The following IDH3A variants were observed in gnomAD, a reference collection of about 807,000 sequenced individuals.
The protein encoded by IDH3A is isocitrate dehydrogenase (NAD(+)) 3 catalytic subunit alpha.
Under a neutral mutation model 43.3 loss-of-function variants are expected in IDH3A, and 23 were observed. The observed-to-expected ratio is 0.53, with a 90% CI of 0.38 to 0.75. The LOEUF (loss-of-function observed/expected upper bound fraction) is 0.75, where lower values mean the gene tolerates loss of function less well. IDH3A is among the 30% of genes least tolerant of loss of function. IDH3A has a pLI of 0.00. For missense variants in IDH3A, 329 were observed against 474.4 expected, an observed-to-expected ratio of 0.69 and a Z score of 2.85; for synonymous variants, 154 against 163.5, an observed-to-expected ratio of 0.94 and a Z score of 0.44.
chr15:78,157,790 C>T (rs1166563310), intron 3 of IDH3A, among the ~76,000 whole-genome samples, 159 bp downstream of exon 3: 1 of 150,922 alleles, frequency 6.6e-6, no homozygotes, highest in Non-Finnish European at 1.5e-5. Flanking sequence ...CAGTGTGTGT[C>T]TCAGTGTTTG....
intron 1 of IDH3A, among the ~76,000 whole-genome samples, chr15:78,152,203 C>T (rs1228432282): frequency 6.6e-6 from 1 of 151,256 alleles, no homozygotes; most frequent in African/African-American, 2.4e-5. Flanking sequence ...GGATTACAGG[C>T]ACCCACCATC....
intron 1 of IDH3A, among the ~76,000 whole-genome samples, chr15:78,154,012 A>C (rs946975700): frequency 2.7e-5 from 4 of 150,038 alleles, no homozygotes; most frequent in African/African-American, 9.7e-5. Context: ...CTCTGTCTCA[A>C]AAAAAAAAAA....
At chr15:78,159,757 G>A (rs2074661899) in intron 3 of IDH3A, among the ~76,000 whole-genome samples, 1 of 152,106 alleles carries the variant, frequency 6.6e-6, no homozygotes. Flanking sequence ...TTGGGAGGCC[G>A]AAGTGGGCAG....
At position 78,169,012 on chromosome 15, in the gene IDH3A, T is replaced by A. The variant is rs774280661; in HGVS notation, c.*7T>A. The A allele has an allele frequency of 1.3e-6, 2 of 1,568,952 alleles. No homozygotes were observed. The highest frequency in any genetic ancestry group is 4.5e-5 in the East Asian group (2 of 44,252). ...AGTAAAAGATTTAGATTAACACTTC[T>A]ACAACTGGCATTTACATCAGTCACT... On this transcript the variant is annotated 3_prime_UTR_variant, in exon 11 of 11. Coordinates refer to ENST00000299518, the MANE Select transcript of IDH3A (RefSeq NM_005530.3).
chr15:78,163,508 C>G lies in IDH3A; in HGVS notation c.613C>G (p.Arg205Gly), dbSNP rs1217645203. The G allele has an allele frequency of 6.2e-7, 1 of 1,603,064 alleles. No homozygotes were observed. Among genetic ancestry groups the G allele is most frequent in the Admixed American group, 1.7e-5 (1 of 59,698 alleles). The change falls in exon 7 of 11, where the codon CGG becomes GGG. Residue 205 changes from arginine to glycine, a missense_variant and splice_region_variant. By Grantham distance (125) the Arg-to-Gly change is moderately radical. Around this residue, in one of 3 missense-constraint regions of IDH3A, gnomAD observed 212 missense variants for 345.5 expected, o/e 0.61. Transcript: ENST00000299518. ...VTAVHKANIMRMSDGLFLQKC... is the reference protein window; with the variant it reads ...VTAVHKANIMGMSDGLFLQKC... ...CAGTTTTTATTTGATTAAATACAGG[C>G]GGATGTCAGATGGGCTTTTTCTACA...
intron 1 of IDH3A, chr15:78,151,316 C>G (rs957142843): frequency 6.6e-6 from 1 of 152,220 alleles, no homozygotes; most frequent in Non-Finnish European, 1.5e-5. Flanking sequence ...TGGCTCATGC[C>G]TGTAATTCTA....
chr15:78,171,328 G>A lies in IDH3A; in HGVS notation c.*2323G>A, dbSNP rs2074818471. The A allele has an allele frequency of 1.3e-6, 1 of 757,084 alleles. No homozygotes were observed. The highest frequency in any genetic ancestry group is 2.2e-6 in the Non-Finnish European group (1 of 460,626). 46.9% of individuals were successfully genotyped at this position (757,084 alleles called of 1,614,324 possible). On this transcript the variant is annotated 3_prime_UTR_variant, in exon 11 of 11. Transcript: ENST00000299518. ...AGAGCCAGTGCTGTGCCCTGACCTG[G>A]AGATCTAACAGACTTGGCAGAAATG... is the stretch of plus-strand genomic sequence containing the variant.
intron 1 of IDH3A, among the ~76,000 whole-genome samples, chr15:78,152,012 C>T (rs2074579911): frequency 6.9e-6 from 1 of 144,610 alleles, no homozygotes. Context: ...TCTTTTCCCT[C>T]TTTTTTGGGC....
In IDH3A at chr15:78,161,608, G is replaced by T. The variant is rs1182935171; in HGVS notation, c.317G>T (p.Gly106Val). The change falls in exon 5 of 11, where the codon GGT (glycine) becomes GTT (valine). Residue 106 changes from glycine (G) to valine (V), a missense_variant. Physicochemically the swap from Gly to Val is moderately radical, Grantham distance 109. Transcript: ENST00000299518. This position sits in a 1 kb window ranked among gnomAD's most constrained non-coding sequence, Gnocchi z 4.8. ...KGPLKTPIAA[G>V]HPSMNLLLRK... ...CCTTTGAAGACCCCAATAGCAGCCG[G>T]TCACCCATCTATGAATTTACTGCTG... is the stretch of plus-strand genomic sequence containing the variant. The T allele has an allele frequency of 6.2e-7, 1 of 1,613,846 alleles. No homozygotes were observed. Among genetic ancestry groups the T allele is most frequent in the Admixed American group, 1.7e-5 (1 of 60,020 alleles).
At chr15:78,155,303 T>C in intron 2 of IDH3A, 28 bp downstream of exon 2, 1 of 1,508,174 alleles carries the variant, frequency 6.6e-7, no homozygotes, top group Admixed American at 1.7e-5. Flanking sequence ...TTTTATTTTT[T>C]CCTTTTAGAA....
intron 3 of IDH3A, among the ~76,000 whole-genome samples, 181 bp downstream of exon 3, chr15:78,157,812 A>C (rs892569433): frequency 4.0e-5 from 6 of 148,722 alleles, no homozygotes; most frequent in Non-Finnish European, 8.9e-5. Context: ...TACTGCCATT[A>C]TTTCTTTCTT....
rs141158898 is a variant in IDH3A, at chr15:78,164,771, T to C, written c.780-221T>C. Among the ~76,000 whole-genome samples the C allele has an allele frequency of 6.4e-4, 98 of 152,320 alleles. 1 individual carries two copies. The East Asian group carries it at 0.013, about 20-fold the overall frequency. ...CCTTCACCATGTCTTCTGTGTCCTT[T>C]AGACACGGCCCTTTGTTCTTTGAGC... On this transcript the variant is annotated intron_variant, in intron 8 of 10. Transcript: ENST00000299518.
In IDH3A at chr15:78,166,203, C is replaced by G. The variant is rs780669533; in HGVS notation, c.918C>G (p.Ala306=). 6.2e-7 allele frequency: 1 copy of G among 1,614,056 alleles called. No homozygotes were observed. The highest frequency in any genetic ancestry group is 1.1e-5 in the South Asian group (1 of 91,086). Residue 306 remains alanine, a synonymous_variant, in exon 10 of 11, where the codon GCC becomes GCG. Coordinates refer to ENST00000299518, the MANE Select transcript of IDH3A (RefSeq NM_005530.3). ...GCAAGGACATGGCGAATCCCACAGC[C>G]CTCCTGCTCAGTGCCGTGATGATGC... The part of the protein sequence containing the change: ...IAGKDMANPT[A]LLLSAVMMLR...
In IDH3A at chr15:78,171,478, A is replaced by T; in HGVS notation, c.*2473A>T. On this transcript the variant is annotated 3_prime_UTR_variant, in exon 11 of 11. Transcript: ENST00000299518. ...TTGCTCTTGGTAAAAGGAGTCAATG[A>T]TACCTTTGTACTTCTCCAAAACTGT... 6.2e-7 allele frequency: 1 copy of T among 1,614,186 alleles called. No homozygotes were observed. The highest frequency in any genetic ancestry group is 8.5e-7 in the Non-Finnish European group (1 of 1,180,004).
intron 9 of IDH3A, 70 bp from the exon 10 acceptor site, chr15:78,166,080 C>CTTT: frequency 2.1e-6 from 3 of 1,451,734 alleles, no homozygotes; most frequent in Non-Finnish European, 2.9e-6. Context: ...GGTTAAGACT[C>CTTT]CAGCTTCCCC....
At chr15:78,149,502 C>T in intron 1 of IDH3A, 72 bp downstream of exon 1, 4 of 1,346,554 alleles carry the variant, frequency 3.0e-6, no homozygotes, top group Non-Finnish European at 2.0e-6. Flanking sequence ...GGTCGCGTGC[C>T]GGGTGTGGGC....
Position 78,161,887 on chromosome 15 carries a change from G to A in IDH3A, c.477+119G>A. ...GTTGTGGGTGTTTGTCTTGGTGCTG[G>A]GTGTCTGGCTGACAGTACTCAAACA... On this transcript the variant is annotated intron_variant, in intron 5 of 10. Coordinates refer to ENST00000299518, the MANE Select transcript of IDH3A (RefSeq NM_005530.3). This position sits in a 1 kb window ranked among gnomAD's most constrained non-coding sequence, Gnocchi z 4.8. 1 of 894,554 alleles carries A rather than the reference G, an allele frequency of 1.1e-6. No individual in the cohort carries two copies. The highest frequency in any genetic ancestry group is 1.6e-5 in the South Asian group (1 of 63,284). 55.4% of individuals were successfully genotyped at this position (894,554 alleles called of 1,614,324 possible). A position where few individuals can be genotyped will look rare whatever the true frequency, so the allele number is the denominator to read the frequency against.
intron 10 of IDH3A, chr15:78,167,368 C>T (rs1182813522): frequency 6.6e-6 from 1 of 152,172 alleles, no homozygotes; most frequent in Admixed American, 6.5e-5. Context: ...CTGGGCCTTA[C>T]CCAACAAGCT....
At chr15:78,165,702 T>TTTATTTAG (rs2074732736) in intron 9 of IDH3A, among the ~76,000 whole-genome samples, 1 of 151,844 alleles carries the variant, frequency 6.6e-6, no homozygotes, top group African/African-American at 2.4e-5. Flanking sequence ...TATTTATTTA[T>TTTATTTAG]TTTTGAGCTA....
Sources: allele counts gnomAD v4.1 joint callset (sites outside exome capture counted in the v4.1 genomes callset), GRCh38; gene constraint gnomAD v4.1.1; regional missense constraint gnomAD v4.1.1; non-coding constraint Gnocchi (gnomAD v3.1); transcripts MANE v1.5; gene names NCBI Gene and HGNC (gene_info 2026-07-23, HGNC 2026-07-21).